Variants in KIAA0825 observed in about 807,000 individuals in gnomAD.
The protein encoded by KIAA0825 is KIAA0825.
In KIAA0825, 119 loss-of-function variants were observed where a neutral mutation model predicts 147.6. The ratio of observed to expected loss-of-function variants is 0.81; its 90% CI spans 0.69 to 0.94. KIAA0825 has a LOEUF of 0.94. Among genes scored for constraint, KIAA0825 ranks in the 40% least tolerant of loss-of-function variants. KIAA0825 has a pLI of 0.00. For synonymous variants in KIAA0825, 470 were observed against 518.1 expected, an observed-to-expected ratio of 0.91 and a Z score of 1.26; for missense variants, 1,381 against 1,472.7, an observed-to-expected ratio of 0.94 and a Z score of 1.02.
At chr5:94,513,398 A>C (rs1174101676) in intron 5 of KIAA0825, among the ~76,000 whole-genome samples, 1 of 152,176 alleles carries the variant, frequency 6.6e-6, no homozygotes, top group Non-Finnish European at 1.5e-5. Context: ...TCAATGTCAG[A>C]ATTAGAGGAT....
chr5:94,446,301 G>T (rs555407002), intron 13 of KIAA0825, among the ~76,000 whole-genome samples: 9 of 152,182 alleles, frequency 5.9e-5, no homozygotes, highest in African/African-American at 1.9e-4. Context: ...TATTCTTATA[G>T]AATTTAGTGG....
At chr5:94,355,904 G>A (rs911722048) in intron 20 of KIAA0825, among the ~76,000 whole-genome samples, 7 of 152,164 alleles carry the variant, frequency 4.6e-5, no homozygotes, top group African/African-American at 1.7e-4. Flanking sequence ...TAAATAGTAG[G>A]TGAAAACTAG....
chr5:94,192,909 C>A (rs149977085), intron 20 of KIAA0825, among the ~76,000 whole-genome samples: 1 of 152,202 alleles, frequency 6.6e-6, no homozygotes, highest in African/African-American at 2.4e-5. Context: ...ATAACACATA[C>A]ATTTCTAGAA....
chr5:94,387,616 A>T (rs1454495301), intron 18 of KIAA0825, among the ~76,000 whole-genome samples: 4 of 151,684 alleles, frequency 2.6e-5, no homozygotes, highest in African/African-American at 9.7e-5. Flanking sequence ...AATCACTTGA[A>T]CCCGGGAGGT....
At chr5:94,191,529 A>C (rs1353826624) in intron 20 of KIAA0825, among the ~76,000 whole-genome samples, 1 of 152,214 alleles carries the variant, frequency 6.6e-6, no homozygotes, top group Non-Finnish European at 1.5e-5. Flanking sequence ...GACTTTTAGG[A>C]TTCATTAAAA....
chr5:94,413,025 C>T (rs1211930216), intron 15 of KIAA0825: 2 of 149,780 alleles, frequency 1.3e-5, no homozygotes, highest in Admixed American at 1.3e-4. Context: ...CGTCTTGGCT[C>T]ACTGCAACCT....
chr5:94,178,358 G>C (rs949483482), intron 20 of KIAA0825, among the ~76,000 whole-genome samples: 13 of 151,938 alleles, frequency 8.6e-5, no homozygotes, highest in African/African-American at 3.1e-4. Flanking sequence ...GGAGGAGATT[G>C]GGAATTCTGT....
rs578008576 is a variant in KIAA0825 at position 94,520,731 on chromosome 5, C to A, written c.487G>T (p.Asp163Tyr). 96 of 1,613,404 alleles carry A rather than the reference C, an allele frequency of 6.0e-5. 1 individual carries two copies. The South Asian group carries it at 8.6e-4, about 14-fold the overall frequency. The change falls in exon 5 of 21, where the codon GAT becomes TAT. Residue 163 changes from aspartate to tyrosine, a missense_variant. Coordinates refer to ENST00000682413, the MANE Select transcript of KIAA0825 (RefSeq NM_001145678.3). ...AAGCGTCGAAGATGCAGTCTTATATCATCCCACATAGACTTGACATCCATA... is the reference window on the plus strand; with the variant it reads ...AAGCGTCGAAGATGCAGTCTTATATAATCCCACATAGACTTGACATCCATA... ...SSMDVKSMWD[D>Y]IRLHLRRFLV...
chr5:94,160,306 A>G (rs533529786), intron 20 of KIAA0825, among the ~76,000 whole-genome samples: 79 of 151,646 alleles, frequency 5.2e-4, no homozygotes, highest in Non-Finnish European at 9.3e-4. Context: ...AGTTCTCTCA[A>G]TTCAATTCTT....
chr5:94,167,828 C>G (rs1436259853), intron 20 of KIAA0825, among the ~76,000 whole-genome samples: 4 of 151,842 alleles, frequency 2.6e-5, no homozygotes, highest in Admixed American at 6.6e-5. Context: ...GTAGTCACAT[C>G]TTTGCCTTTA....
intron 1 of KIAA0825, chr5:94,593,002 C>T: frequency 1.6e-6 from 1 of 620,000 alleles, no homozygotes; most frequent in South Asian, 1.6e-5. Context: ...TTGGAAGCTT[C>T]AAAAGCAGAA....
At chr5:94,466,736 C>CAAAAAA (rs56785201) in intron 10 of KIAA0825, among the ~76,000 whole-genome samples, 5 of 61,392 alleles carry the variant, frequency 8.1e-5, no homozygotes, top group East Asian at 4.2e-4. Context: ...GACTGTGTCT[C>CAAAAAA]AAAAAAAAAA....
intron 20 of KIAA0825, among the ~76,000 whole-genome samples, chr5:94,347,799 G>T (rs1482852441): frequency 6.6e-6 from 1 of 152,100 alleles, no homozygotes; most frequent in Non-Finnish European, 1.5e-5. Flanking sequence ...AGAAATCCTT[G>T]ATTTACCTGA....
chr5:94,298,094 A>G (rs1380694028), intron 20 of KIAA0825, among the ~76,000 whole-genome samples: 1 of 151,560 alleles, frequency 6.6e-6, no homozygotes, highest in Non-Finnish European at 1.5e-5. Flanking sequence ...AAAATACAAA[A>G]AAGTTAGCCA....
intron 1 of KIAA0825, among the ~76,000 whole-genome samples, chr5:94,597,953 G>T (rs540827296): frequency 1.2e-4 from 19 of 152,244 alleles, no homozygotes; most frequent in Middle Eastern, 3.4e-3. Flanking sequence ...GAGCTTATAG[G>T]ACTGGAAGTT....
intron 20 of KIAA0825, among the ~76,000 whole-genome samples, chr5:94,234,657 G>A (rs921235464): frequency 6.6e-6 from 1 of 152,106 alleles, no homozygotes. Flanking sequence ...CATGAAAAAG[G>A]CAGGAGTGAG....
At chr5:94,588,795 C>T (rs1018770222) in intron 1 of KIAA0825, among the ~76,000 whole-genome samples, 1 of 152,128 alleles carries the variant, frequency 6.6e-6, no homozygotes, top group South Asian at 2.1e-4. Context: ...ACCCATATGT[C>T]CATCAATAAT....
At chr5:94,264,199 T>C (rs1326639153) in intron 20 of KIAA0825, among the ~76,000 whole-genome samples, 1 of 152,206 alleles carries the variant, frequency 6.6e-6, no homozygotes, top group Non-Finnish European at 1.5e-5. Flanking sequence ...ACTTTTCATC[T>C]GCATTCTGAT....
chr5:94,234,320 G>A (rs560522886), intron 20 of KIAA0825, among the ~76,000 whole-genome samples: 34 of 151,326 alleles, frequency 2.2e-4, no homozygotes, highest in Admixed American at 5.9e-4. Context: ...GCAGTGAGCC[G>A]AGATCGCGCC....
Sources: gnomAD v4.1 joint callset for allele counts (sites outside exome capture counted in the v4.1 genomes callset) on GRCh38, gnomAD v4.1.1 for gene constraint, MANE v1.5 for transcripts, NCBI Gene and HGNC (gene_info 2026-07-23, HGNC 2026-07-21) for gene names.